The following TMPRSS11F variants were observed in gnomAD, a reference collection of about 807,000 sequenced individuals.
The protein encoded by TMPRSS11F is transmembrane protease serine 11F.
Under a neutral mutation model 60.2 loss-of-function variants are expected in TMPRSS11F, and 47 were observed. The ratio of observed to expected loss-of-function variants is 0.78; its 90% CI spans 0.62 to 1.00. TMPRSS11F has a LOEUF of 1.00. Among genes scored for constraint, TMPRSS11F ranks in the 50% least tolerant of loss-of-function variants. TMPRSS11F has a pLI of 0.00. For synonymous variants in TMPRSS11F, 166 were observed against 167.3 expected, an observed-to-expected ratio of 0.99 and a Z score of 0.06; for missense variants, 519 against 522.9, an observed-to-expected ratio of 0.99 and a Z score of 0.07.
chr4:68,099,081 T>C (rs374107153), intron 1 of TMPRSS11F, 43 bp from the exon 2 acceptor site: 15 of 1,531,650 alleles, frequency 9.8e-6, no homozygotes, highest in African/African-American at 9.7e-5. Context: ...AAATTCATTA[T>C]AGTTCAACTT....
intron 1 of TMPRSS11F, among the ~76,000 whole-genome samples, chr4:68,110,121 C>A (rs1724384010): frequency 6.6e-6 from 1 of 152,134 alleles, no homozygotes; most frequent in Admixed American, 6.5e-5. Flanking sequence ...GTCCTCTCTA[C>A]TTCTTGCCAA....
intron 9 of TMPRSS11F, among the ~76,000 whole-genome samples, chr4:68,057,478 C>A (rs1723070426): frequency 6.6e-6 from 1 of 151,822 alleles, no homozygotes; most frequent in Non-Finnish European, 1.5e-5. Flanking sequence ...AAAACTCAGG[C>A]AACAAAAGCA....
intron 1 of TMPRSS11F, among the ~76,000 whole-genome samples, chr4:68,129,196 T>C (rs2109895410): frequency 6.6e-6 from 1 of 152,234 alleles, no homozygotes; most frequent in African/African-American, 2.4e-5. Context: ...AAATATATAA[T>C]ACAAATTTAT....
Position 68,087,242 on chromosome 4 carries a change from T to A in TMPRSS11F, c.282+3281A>T, listed in dbSNP as rs1723832115. On this transcript the variant is annotated intron_variant, in intron 3 of 9. Transcript: ENST00000356291. Reference sequence around the variant, plus strand: ...ATAAATCAATAAATGTGATTCACCATATGAACAGAATTAAAAACAGAATGA... The same window carrying A: ...ATAAATCAATAAATGTGATTCACCAAATGAACAGAATTAAAAACAGAATGA... 2.0e-5 allele frequency among the ~76,000 whole-genome samples: 3 copies of A among 152,184 alleles called. No individual in the cohort carries two copies. In the South Asian group the frequency reaches 6.2e-4, roughly 32 times the overall value.
chr4:68,128,745 T>C (rs1203085574), intron 1 of TMPRSS11F, among the ~76,000 whole-genome samples: 1 of 152,166 alleles, frequency 6.6e-6, no homozygotes, highest in African/African-American at 2.4e-5. Context: ...TGTCTTTATC[T>C]TGATAAATAA....
At chr4:68,124,166 A>G (rs1724672247) in intron 1 of TMPRSS11F, among the ~76,000 whole-genome samples, 1 of 151,470 alleles carries the variant, frequency 6.6e-6, no homozygotes, top group South Asian at 2.1e-4. Context: ...GGTTGCAATG[A>G]GCCGAGATTG....
chr4:68,076,128 A>G (rs959864040), intron 3 of TMPRSS11F, among the ~76,000 whole-genome samples: 1 of 152,238 alleles, frequency 6.6e-6, no homozygotes, highest in South Asian at 2.1e-4. Context: ...TTCCATTAAA[A>G]TAACACAGTT....
chr4:68,066,606 T>A (rs1231917113), intron 7 of TMPRSS11F, among the ~76,000 whole-genome samples: 1 of 152,172 alleles, frequency 6.6e-6, no homozygotes, highest in Non-Finnish European at 1.5e-5. Flanking sequence ...TAAATATGAT[T>A]TTGAAAATAC....
chr4:68,112,277 G>A (rs1463078310), intron 1 of TMPRSS11F, among the ~76,000 whole-genome samples: 1 of 151,562 alleles, frequency 6.6e-6, no homozygotes, highest in Non-Finnish European at 1.5e-5. Flanking sequence ...CTCAAGCTGT[G>A]GGCCCCATCG....
chr4:68,083,072 C>T (rs1723738917), intron 3 of TMPRSS11F, among the ~76,000 whole-genome samples: 1 of 152,200 alleles, frequency 6.6e-6, no homozygotes, highest in African/African-American at 2.4e-5. Context: ...CCACGAGCAC[C>T]ACATAAGCTG....
intron 6 of TMPRSS11F, 65 bp from the exon 7 acceptor site, chr4:68,068,884 C>T (rs1723390861): frequency 1.9e-6 from 3 of 1,550,552 alleles, no homozygotes; most frequent in African/African-American, 1.4e-5. Flanking sequence ...TTCTGATTTG[C>T]TTTGGTTATA....
intron 2 of TMPRSS11F, among the ~76,000 whole-genome samples, chr4:68,092,953 A>G (rs1341788623): frequency 6.6e-6 from 1 of 152,206 alleles, no homozygotes; most frequent in Non-Finnish European, 1.5e-5. Context: ...TATAGCAATT[A>G]TGTTAATGTT....
intron 3 of TMPRSS11F, among the ~76,000 whole-genome samples, chr4:68,084,569 A>G (rs1723769718): frequency 6.6e-6 from 1 of 152,220 alleles, no homozygotes; most frequent in South Asian, 2.1e-4. Context: ...ACTAAGCTTC[A>G]TAAGTAAAGG....
rs78349670 is a variant in TMPRSS11F at position 68,089,054 on chromosome 4, T to C, written c.282+1469A>G. 2.0e-3 allele frequency among the ~76,000 whole-genome samples: 305 copies of C among 151,860 alleles called. 1 individual carries two copies. The highest frequency in any genetic ancestry group is 7.1e-3 in the African/African-American group (293 of 41,436). ...TTTACAGAATTAGAAAAAAAAAAAC[T>C]ATTCTGAAACTTACACGGAACCAAA... On this transcript the variant is annotated intron_variant, in intron 3 of 9. Transcript: ENST00000356291.
intron 2 of TMPRSS11F, among the ~76,000 whole-genome samples, chr4:68,098,357 T>C (rs886170145): frequency 2.6e-5 from 4 of 152,272 alleles, no homozygotes; most frequent in Admixed American, 6.5e-5. Context: ...TGAATCTTAG[T>C]TGATTGTCAT....
intron 9 of TMPRSS11F, 21 bp downstream of exon 9, chr4:68,059,292 CCTCATAAACTTTT>C (rs1560390767): frequency 6.2e-7 from 1 of 1,603,418 alleles, no homozygotes; most frequent in African/African-American, 1.3e-5. Context: ...TGGAAACTTT[CCTCATAAACTTTT>C]GGCCTTGACT....
chr4:68,072,125 A>G (rs1187522471), intron 5 of TMPRSS11F, among the ~76,000 whole-genome samples, 198 bp downstream of exon 5: 1 of 149,882 alleles, frequency 6.7e-6, no homozygotes, highest in Non-Finnish European at 1.5e-5. Context: ...TAAAATATGA[A>G]AAAAGAAAAA....
At chr4:68,067,564 G>A (rs893557623) in intron 7 of TMPRSS11F, among the ~76,000 whole-genome samples, 4 of 152,242 alleles carry the variant, frequency 2.6e-5, no homozygotes, top group African/African-American at 4.8e-5. Context: ...GCAAAGATTG[G>A]AGGACTGTGT....
intron 1 of TMPRSS11F, among the ~76,000 whole-genome samples, chr4:68,105,031 A>G (rs80336963): frequency 0.033 from 4,265 of 130,240 alleles, 216 homozygotes; most frequent in African/African-American, 0.1. Context: ...AAAATGTGTT[A>G]GAAATCATTC....
Sources: gnomAD v4.1 joint callset for allele counts (sites outside exome capture counted in the v4.1 genomes callset) on GRCh38, gnomAD v4.1.1 for gene constraint, MANE v1.5 for transcripts, NCBI Gene and HGNC (gene_info 2026-07-23, HGNC 2026-07-21) for gene names.